Variants in ITFG1 observed in about 807,000 individuals in gnomAD.
ITFG1 encodes the protein integrin alpha FG-GAP repeat containing 1.
Under a neutral mutation model 81.8 loss-of-function variants are expected in ITFG1, and 34 were observed. That is an observed-to-expected ratio of 0.42 (90% CI 0.32 to 0.55). The LOEUF is 0.55. Among genes scored for constraint, ITFG1 ranks in the 20% least tolerant of loss-of-function variants. ITFG1 has a pLI of 0.17. For missense variants in ITFG1, 672 were observed against 755.4 expected (o/e 0.89, Z 1.29); for synonymous variants, 285 against 270.6 (o/e 1.05, Z -0.52).
chr16:47,156,215 T>C (rs1964702528), intron 17 of ITFG1, among the ~76,000 whole-genome samples: 1 of 152,082 alleles, frequency 6.6e-6, no homozygotes. Flanking sequence ...GGAGGGCAGA[T>C]AACTTGAGGT....
Position 47,352,879 on chromosome 16 carries a change from T to G in ITFG1, c.802+12909A>C, listed in dbSNP as rs144425799. On this transcript the variant is annotated intron_variant, in intron 8 of 17. Transcript: ENST00000320640. Reference sequence around the variant, plus strand: ...TACACCATGGAATACTATGCAGCCATAAAAAATGATGAGTTCATCTCCTTT... The same window carrying G: ...TACACCATGGAATACTATGCAGCCAGAAAAAATGATGAGTTCATCTCCTTT... Among the ~76,000 whole-genome samples the G allele has an allele frequency of 4.2e-4, 64 of 152,226 alleles. No individual in the cohort carries two copies. In the East Asian group the frequency reaches 0.011, roughly 27 times the overall value.
In ITFG1 at chr16:47,260,704, C is replaced by A; in HGVS notation, c.1071-9G>T. Reference sequence around the variant, plus strand: ...AAAAGGCCTGCTGGTTGCTGTGCGCCAAAGGAAAGGCATTTCGTTAATATA... The same window carrying A: ...AAAAGGCCTGCTGGTTGCTGTGCGCAAAAGGAAAGGCATTTCGTTAATATA... On this transcript the variant is annotated splice_polypyrimidine_tract_variant and intron_variant, in intron 10 of 17. Coordinates refer to ENST00000320640, the MANE Select transcript of ITFG1 (RefSeq NM_030790.5). 2 of 1,613,966 alleles carry A rather than the reference C, an allele frequency of 1.2e-6. No individual in the cohort carries two copies. Among genetic ancestry groups the A allele is most frequent in the Non-Finnish European group, 1.7e-6 (2 of 1,179,924 alleles).
chr16:47,305,219 C>T (rs1248769827), intron 10 of ITFG1, among the ~76,000 whole-genome samples: 1 of 152,090 alleles, frequency 6.6e-6, no homozygotes, highest in African/African-American at 2.4e-5. Context: ...CTGTCTTATA[C>T]ATATAAACTG....
chr16:47,192,458 T>C (rs149004574), intron 14 of ITFG1, among the ~76,000 whole-genome samples: 36 of 152,334 alleles, frequency 2.4e-4, no homozygotes, highest in Non-Finnish European at 4.3e-4. Context: ...TAGAGATTCC[T>C]TCTGAAATAG....
At chr16:47,195,932 A>G (rs567531228) in intron 14 of ITFG1, among the ~76,000 whole-genome samples, 2 of 152,122 alleles carry the variant, frequency 1.3e-5, no homozygotes, top group South Asian at 4.2e-4. Flanking sequence ...TGTGTTCTCA[A>G]TGTTCAACTC....
At chr16:47,257,634 G>A (rs1315597537) in intron 12 of ITFG1, among the ~76,000 whole-genome samples, 7 of 152,160 alleles carry the variant, frequency 4.6e-5, no homozygotes, top group East Asian at 1.9e-4. Context: ...TTATTGCAAC[G>A]AATTCATGGT....
chr16:47,379,276 T>C (rs1194205589), intron 6 of ITFG1, among the ~76,000 whole-genome samples: 1 of 152,172 alleles, frequency 6.6e-6, no homozygotes, highest in East Asian at 1.9e-4. Flanking sequence ...TGCCGTCCAC[T>C]GGTTTTGACT....
chr16:47,326,532 T>C (rs1967546914), intron 8 of ITFG1, among the ~76,000 whole-genome samples: 1 of 152,162 alleles, frequency 6.6e-6, no homozygotes, highest in African/African-American at 2.4e-5. Flanking sequence ...GGAAGTCAAA[T>C]TGTCCCTGTT....
intron 7 of ITFG1, among the ~76,000 whole-genome samples, chr16:47,368,510 T>C (rs1291561352): frequency 8.4e-6 from 1 of 118,968 alleles, no homozygotes; most frequent in African/African-American, 3.4e-5. Context: ...GAGCCAAGAC[T>C]GAGTCACTGT....
At chr16:47,433,283 T>G (rs936756012) in intron 5 of ITFG1, among the ~76,000 whole-genome samples, 1 of 152,246 alleles carries the variant, frequency 6.6e-6, no homozygotes, top group Non-Finnish European at 1.5e-5. Flanking sequence ...TATACTCCTT[T>G]AAGAATCTTG....
chr16:47,396,091 G>A, intron 6 of ITFG1: 1 of 837,256 alleles, frequency 1.2e-6, no homozygotes, highest in South Asian at 5.5e-5. Context: ...GATAGTAGCA[G>A]AAAACACTCA....
At chr16:47,261,853 T>A (rs1383417888) in intron 10 of ITFG1, among the ~76,000 whole-genome samples, 2 of 152,154 alleles carry the variant, frequency 1.3e-5, no homozygotes, top group Non-Finnish European at 2.9e-5. Flanking sequence ...TTGTATTTCT[T>A]GTAGAGACAG....
chr16:47,409,884 C>T (rs1262857001), intron 6 of ITFG1, among the ~76,000 whole-genome samples: 1 of 151,848 alleles, frequency 6.6e-6, no homozygotes, highest in East Asian at 1.9e-4. Context: ...AAAAGTTATA[C>T]AACAAGCTGG....
chr16:47,377,352 C>A (rs1968339970), intron 6 of ITFG1, among the ~76,000 whole-genome samples: 1 of 152,136 alleles, frequency 6.6e-6, no homozygotes, highest in African/African-American at 2.4e-5. Context: ...TACTGTTACT[C>A]ATGCACTCCC....
chr16:47,163,822 G>A (rs938753852), intron 14 of ITFG1, among the ~76,000 whole-genome samples: 2 of 151,816 alleles, frequency 1.3e-5, no homozygotes, highest in Non-Finnish European at 1.5e-5. Context: ...GTTGTGAAGT[G>A]GTATCTCATT....
chr16:47,195,845 C>G (rs904397309), intron 14 of ITFG1, among the ~76,000 whole-genome samples: 6 of 152,122 alleles, frequency 3.9e-5, no homozygotes, highest in Middle Eastern at 6.8e-3. Context: ...ACCTATTGAC[C>G]TGTCTTCTAA....
At chr16:47,184,142 C>G (rs1005403666) in intron 14 of ITFG1, among the ~76,000 whole-genome samples, 10 of 152,198 alleles carry the variant, frequency 6.6e-5, no homozygotes, top group South Asian at 2.1e-4. Context: ...AAGACCAAAT[C>G]TACGTGTGAC....
intron 10 of ITFG1, among the ~76,000 whole-genome samples, chr16:47,293,316 A>T (rs1358504562): frequency 6.6e-6 from 1 of 151,638 alleles, no homozygotes; most frequent in Admixed American, 6.6e-5. Flanking sequence ...CAATAAATAT[A>T]CAAGTGCTGG....
chr16:47,372,445 C>T (rs955277308), intron 7 of ITFG1, among the ~76,000 whole-genome samples: 1 of 150,802 alleles, frequency 6.6e-6, no homozygotes, highest in African/African-American at 2.4e-5. Context: ...TTCGTCTTTT[C>T]TATTTCTCTC....
Sources: gnomAD v4.1 joint callset for allele counts (sites outside exome capture counted in the v4.1 genomes callset) on GRCh38, gnomAD v4.1.1 for gene constraint, MANE v1.5 for transcripts, NCBI Gene and HGNC (gene_info 2026-07-23, HGNC 2026-07-21) for gene names.